Variants in KIF21A observed in about 807,000 individuals in gnomAD.
The protein encoded by KIF21A is kinesin-like protein KIF21A.
Under a neutral mutation model 202.9 loss-of-function variants are expected in KIF21A, and 114 were observed. The ratio of observed to expected loss-of-function variants is 0.56; its 90% CI spans 0.48 to 0.66. The LOEUF (loss-of-function observed/expected upper bound fraction) is 0.66. Among genes scored for constraint, KIF21A ranks in the 30% least tolerant of loss-of-function variants. The probability of loss-of-function intolerance (pLI) is 0.00; values close to 1 mark genes in which losing one functional copy is unlikely to be tolerated. For missense variants in KIF21A, 1,677 were observed against 1,994.9 expected, an observed-to-expected ratio of 0.84 and a Z score of 3.04; for synonymous variants, 667 against 670.8, an observed-to-expected ratio of 0.99 and a Z score of 0.09.
chr12:39,407,512 A>G (rs1244852105), intron 1 of KIF21A, among the ~76,000 whole-genome samples: 1 of 152,128 alleles, frequency 6.6e-6, no homozygotes, highest in Non-Finnish European at 1.5e-5. Flanking sequence ...TCTATTCTCA[A>G]TCTTCAATGA....
intron 16 of KIF21A, among the ~76,000 whole-genome samples, chr12:39,338,683 C>G (rs1035676382): frequency 1.3e-5 from 2 of 152,164 alleles, no homozygotes; most frequent in Admixed American, 6.5e-5. Flanking sequence ...CACATTAAAG[C>G]AAGTCACACA....
At chr12:39,393,425 C>A (rs1951513810) in intron 1 of KIF21A, among the ~76,000 whole-genome samples, 4 of 152,178 alleles carry the variant, frequency 2.6e-5, no homozygotes, top group Admixed American at 2.6e-4. Context: ...CCTTTCCTCC[C>A]TCCAATGGAC....
chr12:39,341,240 C>T, intron 14 of KIF21A, 146 bp from the exon 15 acceptor site: 2 of 760,574 alleles, frequency 2.6e-6, no homozygotes, highest in African/African-American at 1.8e-5. Context: ...AACCAACAAC[C>T]AAAAGGTGAA....
At chr12:39,379,900 A>G (rs1290656857) in intron 1 of KIF21A, among the ~76,000 whole-genome samples, 1 of 152,188 alleles carries the variant, frequency 6.6e-6, no homozygotes, top group Non-Finnish European at 1.5e-5. Flanking sequence ...GTTTTGATAT[A>G]TCATCTGTTT....
intron 32 of KIF21A, among the ~76,000 whole-genome samples, chr12:39,310,859 A>G (rs947842402): frequency 6.6e-6 from 1 of 152,062 alleles, no homozygotes; most frequent in African/African-American, 2.4e-5. Flanking sequence ...GCAGGATTGA[A>G]GAAGGGTATA....
chr12:39,432,197 A>G lies in KIF21A; in HGVS notation c.44+10730T>C, dbSNP rs1237676118. On this transcript the variant is annotated intron_variant, in intron 1 of 37. Transcript: ENST00000361418. ...TTTGATTTACCATCACTGGCTTGGA[A>G]TAATGTGCTGGGAAATATCTACTTC... is the stretch of plus-strand genomic sequence containing the variant. Among the ~76,000 whole-genome samples, 3 of 152,238 alleles carry G rather than the reference A, an allele frequency of 2.0e-5. No homozygotes were observed. The East Asian group carries it at 5.8e-4, about 29-fold the overall frequency.
intron 21 of KIF21A, 28 bp from the exon 22 acceptor site, chr12:39,331,819 C>A: frequency 6.7e-7 from 1 of 1,498,920 alleles, no homozygotes; most frequent in African/African-American, 1.4e-5. Flanking sequence ...AATATGATGA[C>A]CATTACTTTG....
chr12:39,332,472 A>AGCG, intron 20 of KIF21A, 64 bp from the exon 21 acceptor site: 1 of 1,338,186 alleles, frequency 7.5e-7, no homozygotes, highest in Non-Finnish European at 1.1e-6. Context: ...AGTACCATCA[A>AGCG]ACCCCCCCAC....
intron 27 of KIF21A, 193 bp downstream of exon 27, chr12:39,322,475 A>G (rs1159845876): frequency 3.8e-6 from 2 of 522,036 alleles, no homozygotes; most frequent in Non-Finnish European, 6.7e-6. Context: ...AAGCAATTCA[A>G]CAAAGGACAT....
In KIF21A at chr12:39,322,792, G is replaced by C; in HGVS notation, c.3547C>G (p.Pro1183Ala). 6.2e-7 allele frequency: 1 copy of C among 1,613,952 alleles called. No individual in the cohort carries two copies. Among genetic ancestry groups the C allele is most frequent in the Non-Finnish European group, 8.5e-7 (1 of 1,179,886 alleles). The change falls in exon 27 of 38, where the codon CCT becomes GCT. Residue 1183 changes from proline to alanine, a missense_variant. Coordinates refer to ENST00000361418, the MANE Select transcript of KIF21A (RefSeq NM_001173464.2). ...TCTGCAACAGGTGTGAGAGGGCCAG[G>C]CAAGGAGGCATCTCCTGTACTAGTG... is the stretch of plus-strand genomic sequence containing the variant. The part of the protein sequence containing the change: ...SDTSTGDASL[P>A]GPLTPVAEGQ...
intron 1 of KIF21A, among the ~76,000 whole-genome samples, chr12:39,375,348 C>G (rs561078299): frequency 6.6e-6 from 1 of 152,228 alleles, no homozygotes; most frequent in Non-Finnish European, 1.5e-5. Flanking sequence ...TATTAAGAGG[C>G]AATTCACCAC....
intron 11 of KIF21A, among the ~76,000 whole-genome samples, chr12:39,347,236 C>CAA (rs899673466): frequency 1.6e-5 from 2 of 124,878 alleles, no homozygotes; most frequent in African/African-American, 3.0e-5. Flanking sequence ...GCAACAGTGG[C>CAA]AAAAAAAAAA....
At chr12:39,320,430 G>A (rs1000367597) in intron 27 of KIF21A, among the ~76,000 whole-genome samples, 11 of 150,940 alleles carry the variant, frequency 7.3e-5, no homozygotes, top group Non-Finnish European at 1.6e-4. Context: ...AATTAATATT[G>A]AGACACAATC....
chr12:39,434,532 C>T (rs1479124828), intron 1 of KIF21A, among the ~76,000 whole-genome samples: 1 of 152,176 alleles, frequency 6.6e-6, no homozygotes, highest in Non-Finnish European at 1.5e-5. Flanking sequence ...GATCCTTTCT[C>T]AAATCCAGGG....
chr12:39,378,688 A>G (rs1327673880), intron 1 of KIF21A, among the ~76,000 whole-genome samples: 3 of 152,198 alleles, frequency 2.0e-5, no homozygotes, highest in African/African-American at 7.2e-5. Context: ...AGCACCTACT[A>G]AATGTCAGAC....
At chr12:39,325,498 ATTTTTTT>A (rs397714587) in intron 26 of KIF21A, among the ~76,000 whole-genome samples, 1 of 121,472 alleles carries the variant, frequency 8.2e-6, no homozygotes, top group African/African-American at 3.5e-5. Context: ...CGCCCAGCTA[ATTTTTTT>A]TTTTTTTTTT....
At position 39,325,912 on chromosome 12, in the gene KIF21A, T is replaced by C; in HGVS notation, c.3402-19A>G. On this transcript the variant is annotated intron_variant, in intron 25 of 37. Coordinates refer to ENST00000361418, the MANE Select transcript of KIF21A (RefSeq NM_001173464.2). ...CAGCGTGCTATGTGCAAATAAATAA[T>C]TAAGCACAAGATTAAATAGAAAATT... 1 of 1,597,328 alleles carries C rather than the reference T, an allele frequency of 6.3e-7. No homozygotes were observed. The highest frequency in any genetic ancestry group is 1.1e-5 in the South Asian group (1 of 90,434).
intron 1 of KIF21A, among the ~76,000 whole-genome samples, chr12:39,428,505 C>A (rs11172105): frequency 0.068 from 10,275 of 152,178 alleles, 535 homozygotes; most frequent in South Asian, 0.28. Context: ...TTAGAAAAAA[C>A]AGAGTCACAA....
intron 11 of KIF21A, among the ~76,000 whole-genome samples, chr12:39,347,363 G>A (rs1247613101): frequency 6.6e-6 from 1 of 151,694 alleles, no homozygotes; most frequent in Non-Finnish European, 1.5e-5. Flanking sequence ...TTAAAACTTG[G>A]GGATCTTTAC....
Sources: gnomAD v4.1 joint callset for allele counts (sites outside exome capture counted in the v4.1 genomes callset) on GRCh38, gnomAD v4.1.1 for gene constraint, MANE v1.5 for transcripts, NCBI Gene and HGNC (gene_info 2026-07-23, HGNC 2026-07-21) for gene names.